NAV2: variants seen among roughly 807,000 people sequenced by gnomAD.
NAV2 encodes helicase, APC down-regulated 1.
In NAV2, 54 loss-of-function variants were observed where a neutral mutation model predicts 223.2. That is an observed-to-expected ratio of 0.24 (90% confidence interval 0.19 to 0.30). The LOEUF is 0.30. NAV2 is among the 10% of genes least tolerant of loss of function. The probability of loss-of-function intolerance (pLI) is 1.00; values close to 1 mark genes in which losing one functional copy is unlikely to be tolerated. For missense variants in NAV2, 2,806 were observed against 3,147.5 expected, an observed-to-expected ratio of 0.89 and a Z score of 2.60; for synonymous variants, 1,279 against 1,239.3, an observed-to-expected ratio of 1.03 and a Z score of -0.67.
intron 1 of NAV2, among the ~76,000 whole-genome samples, chr11:19,593,303 A>G (rs1338991094): frequency 6.6e-6 from 1 of 152,114 alleles, no homozygotes; most frequent in African/African-American, 2.4e-5. Flanking sequence ...AATGTCTTTG[A>G]GATCCATTCA....
Position 20,095,657 on chromosome 11 carries a change from T to C in NAV2, c.5917-15T>C. 3 of 1,594,694 alleles carry C rather than the reference T, an allele frequency of 1.9e-6. No individual in the cohort carries two copies. Among genetic ancestry groups the C allele is most frequent in the Non-Finnish European group, 2.6e-6 (3 of 1,162,526 alleles). ...TCCACCTGTTTTTCACCTGTGTACA[T>C]TTCCTTACCCTTAGGATTCCAGACC... On this transcript the variant is annotated splice_polypyrimidine_tract_variant and intron_variant, in intron 29 of 37. Transcript: ENST00000349880.
intron 1 of NAV2, among the ~76,000 whole-genome samples, chr11:19,664,318 G>C (rs2048357555): frequency 6.6e-6 from 1 of 152,250 alleles, no homozygotes; most frequent in South Asian, 2.1e-4. Flanking sequence ...AGCTGGGCAT[G>C]CAGGCATGGA....
Position 20,101,152 on chromosome 11 carries a change from G to T in NAV2, c.6397G>T (p.Val2133Leu). Residue 2133 changes from valine (V) to leucine (L), a missense_variant, in exon 32 of 38, where the codon GTG becomes TTG. Around this residue, in one of 4 missense-constraint regions of NAV2, gnomAD observed 824 missense variants for 1,069.4 expected, o/e 0.77. Transcript: ENST00000349880. ...LTDGVIATFN[V>L]DHKSSKELRQ... is the part of the protein sequence containing the mutation. ...AGACGGGGTTATCGCCACCTTTAAC[G>T]TGGACCATAAGTCCAGCAAGGTGAG... 2 of 1,613,432 alleles carry T rather than the reference G, an allele frequency of 1.2e-6. No individual in the cohort carries two copies. The highest frequency in any genetic ancestry group is 1.3e-5 in the African/African-American group (1 of 75,028).
At chr11:20,031,238 A>G (rs890085985) in intron 11 of NAV2, among the ~76,000 whole-genome samples, 14 of 152,162 alleles carry the variant, frequency 9.2e-5, no homozygotes, top group African/African-American at 3.1e-4. Flanking sequence ...GTAAACACGA[A>G]TTCTCTAGGT....
chr11:19,522,302 C>T (rs1016538981), intron 1 of NAV2, among the ~76,000 whole-genome samples: 5 of 152,200 alleles, frequency 3.3e-5, no homozygotes, highest in African/African-American at 1.2e-4. Flanking sequence ...CCAAGCCCAC[C>T]ACTGGAGGAG....
intron 1 of NAV2, among the ~76,000 whole-genome samples, chr11:19,822,107 T>C (rs1471828176): frequency 1.3e-5 from 2 of 152,214 alleles, no homozygotes; most frequent in East Asian, 3.8e-4. Flanking sequence ...ATCATCTTCA[T>C]GGTAATTATA....
At chr11:19,614,458 C>A (rs1305677671) in intron 1 of NAV2, among the ~76,000 whole-genome samples, 1 of 151,990 alleles carries the variant, frequency 6.6e-6, no homozygotes, top group Non-Finnish European at 1.5e-5. Flanking sequence ...AGGTTTACAG[C>A]AAAATTGAGC....
At chr11:20,040,707 A>T (rs888364969) in intron 12 of NAV2, among the ~76,000 whole-genome samples, 11 of 152,218 alleles carry the variant, frequency 7.2e-5, no homozygotes, top group African/African-American at 2.7e-4. Flanking sequence ...AGGCAGAAGA[A>T]AACCCTTCAG....
intron 1 of NAV2, among the ~76,000 whole-genome samples, chr11:19,476,539 C>T (rs1393930721): frequency 6.6e-6 from 1 of 152,112 alleles, no homozygotes; most frequent in Non-Finnish European, 1.5e-5. Context: ...GATGCCACTA[C>T]CCTCACATGT....
chr11:19,359,255 T>C (rs1853794878), intron 1 of NAV2, among the ~76,000 whole-genome samples: 1 of 152,246 alleles, frequency 6.6e-6, no homozygotes, highest in African/African-American at 2.4e-5. Flanking sequence ...TCTGCATTTG[T>C]GAGTCTTTAT....
At chr11:19,403,078 T>G (rs1329102064) in intron 1 of NAV2, among the ~76,000 whole-genome samples, 2 of 152,230 alleles carry the variant, frequency 1.3e-5, no homozygotes, top group African/African-American at 4.8e-5. Context: ...TCTGTGATTC[T>G]GTTTCTACAT....
intron 1 of NAV2, among the ~76,000 whole-genome samples, chr11:19,377,699 G>A (rs917482064): frequency 1.3e-4 from 19 of 147,724 alleles, no homozygotes; most frequent in East Asian, 2.0e-4. Flanking sequence ...AATCAAATAC[G>A]TTCATGCCCA....
At chr11:20,035,153 TA>T (rs2056225247) in intron 11 of NAV2, among the ~76,000 whole-genome samples, 1 of 151,500 alleles carries the variant, frequency 6.6e-6, no homozygotes, top group South Asian at 2.1e-4. Flanking sequence ...GCTGGCCTTT[TA>T]GCAGTAATCC....
intron 36 of NAV2, among the ~76,000 whole-genome samples, chr11:20,108,389 C>T (rs1247655443): frequency 6.6e-6 from 1 of 152,142 alleles, no homozygotes; most frequent in Non-Finnish European, 1.5e-5. Context: ...TTAGGAACTT[C>T]GGGGCCCATA....
intron 5 of NAV2, among the ~76,000 whole-genome samples, chr11:19,891,173 G>A (rs186409229): frequency 9.9e-5 from 15 of 152,180 alleles, no homozygotes; most frequent in Non-Finnish European, 1.6e-4. Context: ...GACTTCTTTG[G>A]TGCTTACAGA....
intron 5 of NAV2, among the ~76,000 whole-genome samples, chr11:19,881,121 C>T (rs749706944): frequency 3.3e-5 from 5 of 152,154 alleles, no homozygotes; most frequent in Admixed American, 6.5e-5. Flanking sequence ...AGCACAAAGC[C>T]GCTCAAACAC....
intron 1 of NAV2, among the ~76,000 whole-genome samples, chr11:19,362,164 C>T (rs1853990541): frequency 6.6e-6 from 1 of 152,172 alleles, no homozygotes; most frequent in Non-Finnish European, 1.5e-5. Flanking sequence ...TCCCACTTTA[C>T]AGATGGGAAA....
chr11:19,879,814 A>T (rs1453598906), intron 4 of NAV2, 55 bp from the exon 5 acceptor site: 1 of 1,608,980 alleles, frequency 6.2e-7, no homozygotes, highest in African/African-American at 1.3e-5. Flanking sequence ...GAAACAGCCC[A>T]TTGAACAGGA....
intron 1 of NAV2, among the ~76,000 whole-genome samples, chr11:19,509,070 G>C (rs980584174): frequency 1.3e-5 from 2 of 152,204 alleles, no homozygotes; most frequent in South Asian, 2.1e-4. Flanking sequence ...CTGCAATATA[G>C]AAGAAATTAT....
Sources: allele counts gnomAD v4.1 joint callset (sites outside exome capture counted in the v4.1 genomes callset), GRCh38; gene constraint gnomAD v4.1.1; regional missense constraint gnomAD v4.1.1; transcripts MANE v1.5; gene names NCBI Gene and HGNC (gene_info 2026-07-23, HGNC 2026-07-21).